OSBPL11: variants seen among roughly 807,000 people sequenced by gnomAD.
OSBPL11 encodes the protein oxysterol binding protein like 11.
Under a neutral mutation model 84.4 loss-of-function variants are expected in OSBPL11, and 33 were observed. That is an observed-to-expected ratio of 0.39 (90% confidence interval 0.30 to 0.52). The LOEUF (loss-of-function observed/expected upper bound fraction) is 0.52. OSBPL11 is among the 20% of genes least tolerant of loss of function. The probability of loss-of-function intolerance (pLI) is 0.72; values close to 1 mark genes in which losing one functional copy is unlikely to be tolerated. For missense variants in OSBPL11, 736 were observed against 901.1 expected (o/e 0.82, Z 2.35); for synonymous variants, 276 against 310.2 (o/e 0.89, Z 1.16).
chr3:125,531,988 G>A lies in OSBPL11; in HGVS notation c.2051C>T (p.Ser684Leu), dbSNP rs189193096. Residue 684 changes from serine (S) to leucine (L), a missense_variant, in exon 12 of 13, where the codon TCG (serine) becomes TTG (leucine). Transcript: ENST00000296220. ...CTTATCAATTTCAGATTCTCTCAGC[G>A]AGTCTGTCACATTTTTCCACAATCG... is the stretch of plus-strand genomic sequence containing the variant. The part of the protein sequence containing the change: ...SRRLWKNVTD[S>L]LRESEIDKAT... 10 of 1,608,426 alleles carry A rather than the reference G, an allele frequency of 6.2e-6. No individual in the cohort carries two copies. The Admixed American group carries it at 8.6e-5, about 14-fold the overall frequency.
chr3:125,585,940 T>C (rs921768181), intron 1 of OSBPL11, among the ~76,000 whole-genome samples: 4 of 152,192 alleles, frequency 2.6e-5, no homozygotes, highest in African/African-American at 9.6e-5. Context: ...CTATCTAAAA[T>C]GTGTGAATTT....
intron 8 of OSBPL11, 125 bp downstream of exon 8, chr3:125,560,254 T>A (rs1243325629): frequency 2.2e-6 from 2 of 891,066 alleles, no homozygotes; most frequent in Non-Finnish European, 3.0e-6. Context: ...AGAGCAAAAC[T>A]CCATCTCAAA....
chr3:125,541,181 T>G (rs1935724364), intron 10 of OSBPL11, among the ~76,000 whole-genome samples: 1 of 152,226 alleles, frequency 6.6e-6, no homozygotes, highest in Non-Finnish European at 1.5e-5. Context: ...CTTAGGGAAC[T>G]GATCACACAG....
chr3:125,583,209 T>C (rs888966560), intron 1 of OSBPL11, among the ~76,000 whole-genome samples: 2 of 152,008 alleles, frequency 1.3e-5, no homozygotes, highest in African/African-American at 4.8e-5. Context: ...AATTATATAT[T>C]ATTATAAATA....
chr3:125,532,151 C>T, intron 11 of OSBPL11, 137 bp from the exon 12 acceptor site: 1 of 843,024 alleles, frequency 1.2e-6, no homozygotes, highest in Non-Finnish European at 1.7e-6. Context: ...CTTATGAATT[C>T]CAAGAATAAC....
rs1936665728 is a variant in OSBPL11, at chr3:125,595,246, C to A, written c.-446G>T. Among the ~76,000 whole-genome samples the A allele has an allele frequency of 6.6e-6, 1 of 152,150 alleles. No individual in the cohort carries two copies. The highest frequency in any genetic ancestry group is 1.5e-5 in the Non-Finnish European group (1 of 68,008). ...CTCCTCCGCAGGTCCTCAGGCAGTG[C>A]GTCCAGTCAAGCCCGCTCGGCAGTT... On this transcript the variant is annotated 5_prime_UTR_variant, in exon 1 of 13. Transcript: ENST00000296220.
At position 125,538,956 on chromosome 3, in the gene OSBPL11, A is replaced by C. The variant is rs544812623; in HGVS notation, c.1842-323T>G. Among the ~76,000 whole-genome samples the C allele has an allele frequency of 9.2e-5, 14 of 152,114 alleles. No individual in the cohort carries two copies. The South Asian group carries it at 2.5e-3, about 27-fold the overall frequency. On this transcript the variant is annotated intron_variant, in intron 10 of 12. Coordinates refer to ENST00000296220, the MANE Select transcript of OSBPL11 (RefSeq NM_022776.5). The stretch of plus-strand genomic sequence containing the variant: ...TATTAAAACTAAATAGAAATATGAA[A>C]AAATCAATATTTATTAGTCTAAAAG...
At position 125,529,242 on chromosome 3, in the gene OSBPL11, T is replaced by A. The variant is rs1935521454; in HGVS notation, c.*1273A>T. 6.6e-6 allele frequency: 1 copy of A among 152,484 alleles called. No individual in the cohort carries two copies. Among genetic ancestry groups the A allele is most frequent in the African/African-American group, 2.4e-5 (1 of 41,428 alleles). 9.4% of individuals were successfully genotyped at this position (152,484 alleles called of 1,614,324 possible). On this transcript the variant is annotated 3_prime_UTR_variant, in exon 13 of 13. Transcript: ENST00000296220. Reference sequence around the variant, plus strand: ...AATTAAGGTAGCTTGCAGTAACAAGTGTTGAGCACCATAATAAGTAGGTGC... The same window carrying A: ...AATTAAGGTAGCTTGCAGTAACAAGAGTTGAGCACCATAATAAGTAGGTGC...
chr3:125,548,130 C>T (rs566976029), intron 9 of OSBPL11, among the ~76,000 whole-genome samples: 6 of 152,262 alleles, frequency 3.9e-5, no homozygotes, highest in South Asian at 2.1e-4. Context: ...CCACCTGCTT[C>T]GGCCTCCCAA....
chr3:125,545,559 CTTTATT>C (rs1316731167), intron 10 of OSBPL11, among the ~76,000 whole-genome samples: 2 of 151,874 alleles, frequency 1.3e-5, no homozygotes, highest in Non-Finnish European at 2.9e-5. Flanking sequence ...CAAAGATAGT[CTTTATT>C]TTTATTTCTC....
intron 10 of OSBPL11, among the ~76,000 whole-genome samples, chr3:125,540,950 G>A (rs763669474): frequency 7.2e-5 from 11 of 152,190 alleles, no homozygotes; most frequent in Non-Finnish European, 1.5e-4. Context: ...CTTCACAACA[G>A]TGTAAGGTAA....
chr3:125,589,353 A>C (rs1446794116), intron 1 of OSBPL11, among the ~76,000 whole-genome samples: 2 of 151,700 alleles, frequency 1.3e-5, no homozygotes, highest in East Asian at 3.8e-4. Context: ...AAAAAAAAAA[A>C]AAAAAAACAA....
chr3:125,532,216 A>G (rs929507200), intron 11 of OSBPL11, among the ~76,000 whole-genome samples: 1 of 152,166 alleles, frequency 6.6e-6, no homozygotes, highest in Non-Finnish European at 1.5e-5. Context: ...GCTTCTTTTT[A>G]AATTAAAAAT....
intron 2 of OSBPL11, 64 bp downstream of exon 2, chr3:125,582,846 A>T: frequency 1.7e-6 from 2 of 1,161,360 alleles, no homozygotes; most frequent in Non-Finnish European, 2.5e-6. Flanking sequence ...CAAAATATAA[A>T]ATTATTGGGC....
Position 125,531,913 on chromosome 3 carries a change from C to T in OSBPL11, c.2126G>A (p.Arg709Lys), listed in dbSNP as rs766949928. The T allele has an allele frequency of 3.1e-6, 5 of 1,613,968 alleles. No homozygotes were observed. The Admixed American group carries it at 8.3e-5, about 27-fold the overall frequency. The change falls in exon 12 of 13, where the codon AGG becomes AAG. Residue 709 changes from arginine to lysine, a missense_variant. Physicochemically the swap from Arg to Lys is conservative, Grantham distance 26. Around this residue, in one of 3 missense-constraint regions of OSBPL11, gnomAD observed 579 missense variants for 717.6 expected, o/e 0.81. Coordinates refer to ENST00000296220, the MANE Select transcript of OSBPL11 (RefSeq NM_022776.5). ...AGGTGTGCCTGTTTCAGTACGATGC[C>T]TTTCTTCAGTCCTCTGACGTTCTTC... ...TLEERQRTEERHRTETGTPWK... is the reference protein window; with the variant it reads ...TLEERQRTEEKHRTETGTPWK...
chr3:125,576,537 T>G (rs1316641675), intron 4 of OSBPL11, among the ~76,000 whole-genome samples, 172 bp from the exon 5 acceptor site: 2 of 152,238 alleles, frequency 1.3e-5, no homozygotes, highest in Non-Finnish European at 2.9e-5. Flanking sequence ...ACTCAAAGTT[T>G]AAGCATTTTA....
intron 10 of OSBPL11, among the ~76,000 whole-genome samples, chr3:125,542,634 G>A (rs1342045608): frequency 6.6e-6 from 1 of 151,326 alleles, no homozygotes. Context: ...TCAGCTTCCC[G>A]AGTAGCTGGG....
rs769730473 is a variant in OSBPL11 at position 125,530,376 on chromosome 3, C to T, written c.*139G>A. On this transcript the variant is annotated 3_prime_UTR_variant, in exon 13 of 13. Coordinates refer to ENST00000296220, the MANE Select transcript of OSBPL11 (RefSeq NM_022776.5). ...TGGTCTTGCTGCAGTATTATGGTGC[C>T]CTAGTAGGTACATTCAGGTTTAGCT... is the stretch of plus-strand genomic sequence containing the variant. 3 of 761,746 alleles carry T rather than the reference C, an allele frequency of 3.9e-6. No homozygotes were observed. Among genetic ancestry groups the T allele is most frequent in the African/African-American group, 1.7e-5 (1 of 57,786 alleles). 47.2% of individuals were successfully genotyped at this position (761,746 alleles called of 1,614,324 possible). A position where few individuals can be genotyped will look rare whatever the true frequency, so the allele number is the denominator to read the frequency against.
chr3:125,540,545 T>G (rs914435197), intron 10 of OSBPL11, among the ~76,000 whole-genome samples: 4 of 152,130 alleles, frequency 2.6e-5, no homozygotes, highest in African/African-American at 9.7e-5. Flanking sequence ...TGATCCCACT[T>G]GCCAACATCC....
Sources: gnomAD v4.1 joint callset for allele counts (sites outside exome capture counted in the v4.1 genomes callset) on GRCh38, gnomAD v4.1.1 for gene constraint, gnomAD v4.1.1 regional missense constraint, MANE v1.5 for transcripts, NCBI Gene and HGNC (gene_info 2026-07-23, HGNC 2026-07-21) for gene names.